The following TENM3 variants were observed in gnomAD, a reference collection of about 807,000 sequenced individuals.
TENM3 encodes the protein teneurin transmembrane protein 3.
In TENM3, 63 loss-of-function variants were observed where a neutral mutation model predicts 255.1. The observed-to-expected ratio is 0.25, with a 90% CI of 0.20 to 0.30. The LOEUF is 0.30. Ranked by LOEUF, TENM3 falls within the 10% of genes least tolerant of loss-of-function variation. The pLI is 1.00. For missense variants in TENM3, 2,929 were observed against 3,461.1 expected, an observed-to-expected ratio of 0.85 and a Z score of 3.86; for synonymous variants, 1,306 against 1,322.3, an observed-to-expected ratio of 0.99 and a Z score of 0.27.
chr4:181,652,885 T>C, the TENM3 span, among the ~76,000 whole-genome samples: 1 of 152,266 alleles, frequency 6.6e-6, no homozygotes, highest in African/African-American at 2.4e-5. Flanking sequence ...CACGAACTGC[T>C]GTGACCTTTG....
At chr4:182,750,705 T>A (rs1762309316) in intron 19 of TENM3, among the ~76,000 whole-genome samples, 1 of 152,178 alleles carries the variant, frequency 6.6e-6, no homozygotes, top group African/African-American at 2.4e-5. Context: ...TGTGTGTGTG[T>A]GTGTTCGTGG....
At chr4:182,739,748 G>A (rs1183279675) in intron 18 of TENM3, among the ~76,000 whole-genome samples, 1 of 152,124 alleles carries the variant, frequency 6.6e-6, no homozygotes, top group African/African-American at 2.4e-5. Flanking sequence ...GAAAATGCTC[G>A]TGCTGGGCCT....
intron 2 of TENM3, among the ~76,000 whole-genome samples, chr4:182,326,353 T>A (rs948203447): frequency 6.6e-6 from 1 of 152,064 alleles, no homozygotes; most frequent in Non-Finnish European, 1.5e-5. Flanking sequence ...TTGAGACGGA[T>A]GAGGTTTGGA....
chr4:182,618,926 A>G (rs1453192312), intron 4 of TENM3, among the ~76,000 whole-genome samples: 3 of 150,910 alleles, frequency 2.0e-5, no homozygotes, highest in Non-Finnish European at 4.4e-5. Flanking sequence ...GGATCCCCCA[A>G]CAGGTTGACT....
the TENM3 span, among the ~76,000 whole-genome samples, chr4:181,872,674 T>A: frequency 6.6e-6 from 1 of 152,222 alleles, no homozygotes; most frequent in East Asian, 1.9e-4. Flanking sequence ...TATTGATTAT[T>A]TTTGTTTTCA....
At chr4:182,009,100 G>C in the TENM3 span, among the ~76,000 whole-genome samples, 1 of 152,040 alleles carries the variant, frequency 6.6e-6, no homozygotes, top group Non-Finnish European at 1.5e-5. Context: ...AGCAAAGATG[G>C]GTATCTCCTC....
the TENM3 span, among the ~76,000 whole-genome samples, chr4:182,061,403 G>T: frequency 1.3e-5 from 2 of 152,140 alleles, no homozygotes; most frequent in South Asian, 4.2e-4. Flanking sequence ...TTACTGAAAA[G>T]GCATCTAAGT....
At chr4:182,759,164 T>C (rs779627628) in intron 22 of TENM3, among the ~76,000 whole-genome samples, 3 of 152,250 alleles carry the variant, frequency 2.0e-5, no homozygotes, top group African/African-American at 4.8e-5. Flanking sequence ...TGTCACAGTA[T>C]TGGTATAAGT....
intron 4 of TENM3, among the ~76,000 whole-genome samples, chr4:182,621,786 TATATATA>T (rs1239318941): frequency 5.6e-5 from 3 of 53,136 alleles, no homozygotes; most frequent in African/African-American, 1.5e-4. Flanking sequence ...TATATAATTA[TATATATA>T]ATATATAATA....
At chr4:181,872,608 AT>A in the TENM3 span, among the ~76,000 whole-genome samples, 2 of 152,202 alleles carry the variant, frequency 1.3e-5, no homozygotes, top group South Asian at 4.1e-4. Flanking sequence ...ATATTTCTTT[AT>A]TATCCTTTGA....
At chr4:182,144,597 C>T (rs1361139447), upstream of TENM3, 9 of 149,236 alleles carry the variant, frequency 6.0e-5, no homozygotes, top group African/African-American at 2.2e-4. Context: ...CCTCCCCGCC[C>T]CCGCCCCGCC....
Position 182,324,166 on chromosome 4 carries a change from C to G in TENM3, c.146C>G (p.Ala49Gly). 4.3e-6 allele frequency: 7 copies of G among 1,614,014 alleles called. No homozygotes were observed. Among genetic ancestry groups the G allele is most frequent in the Non-Finnish European group, 5.9e-6 (7 of 1,179,890 alleles). ...KSYSSSETLK[A>G]FDHDSSRLLY... is the part of the protein sequence containing the mutation. ...TACAGTTCCAGCGAGACATTGAAAG[C>G]TTTTGATCATGATTCCTCGCGGCTG... The change falls in exon 2 of 28, where the codon GCT becomes GGT. Residue 49 changes from alanine to glycine, a missense_variant. By Grantham distance (60) the Ala-to-Gly change is moderately conservative. Around this residue, in one of 6 missense-constraint regions of TENM3, gnomAD observed 283 missense variants for 256.9 expected, o/e 1.10. Coordinates refer to ENST00000511685, the MANE Select transcript of TENM3 (RefSeq NM_001080477.4).
At chr4:181,575,760 A>G in the TENM3 span, among the ~76,000 whole-genome samples, 1 of 152,286 alleles carries the variant, frequency 6.6e-6, no homozygotes, top group Non-Finnish European at 1.5e-5. Flanking sequence ...ATTTCAAAGT[A>G]TGGCTTTGTT....
chr4:182,462,662 G>A (rs771509433), intron 3 of TENM3, among the ~76,000 whole-genome samples: 7 of 151,790 alleles, frequency 4.6e-5, no homozygotes, highest in East Asian at 2.0e-4. Context: ...CCAGGTGGAC[G>A]GATCACCTGA....
At chr4:181,864,010 C>T in the TENM3 span, among the ~76,000 whole-genome samples, 3 of 152,140 alleles carry the variant, frequency 2.0e-5, no homozygotes, top group Non-Finnish European at 2.9e-5. Context: ...AGAACTCTAA[C>T]AAGTTTCATG....
At chr4:181,749,948 C>G in the TENM3 span, among the ~76,000 whole-genome samples, 1 of 152,102 alleles carries the variant, frequency 6.6e-6, no homozygotes, top group African/African-American at 2.4e-5. Context: ...ATTTATTTCT[C>G]TGGATTCATC....
intron 3 of TENM3, among the ~76,000 whole-genome samples, chr4:182,566,855 A>G (rs990857102): frequency 2.6e-5 from 4 of 152,154 alleles, no homozygotes; most frequent in Admixed American, 1.3e-4. Context: ...TTGCCAGGCC[A>G]CTGTTCTTTT....
chr4:182,181,941 T>C (rs1467589853), intron 1 of TENM3, among the ~76,000 whole-genome samples: 1 of 152,026 alleles, frequency 6.6e-6, no homozygotes, highest in Non-Finnish European at 1.5e-5. Context: ...AAAAATTCGA[T>C]AGGTAGTATG....
At chr4:181,775,062 T>C in the TENM3 span, among the ~76,000 whole-genome samples, 1 of 152,208 alleles carries the variant, frequency 6.6e-6, no homozygotes, top group African/African-American at 2.4e-5. Context: ...GTCCTTCAGC[T>C]GAGTCATAAT....
Sources: gnomAD v4.1 joint callset for allele counts (sites outside exome capture counted in the v4.1 genomes callset) on GRCh38, gnomAD v4.1.1 for gene constraint, gnomAD v4.1.1 regional missense constraint, MANE v1.5 for transcripts, NCBI Gene and HGNC (gene_info 2026-07-23, HGNC 2026-07-21) for gene names.